Variants in YPEL5 observed in about 807,000 individuals in gnomAD.
YPEL5 encodes yippee like 5, also known as protein yippee-like 5.
YPEL5 carries 1 observed loss-of-function variant against 10.5 expected under a neutral mutation model. The ratio of observed to expected loss-of-function variants is 0.10; its 90% confidence interval spans 0.03 to 0.45. The LOEUF (loss-of-function observed/expected upper bound fraction) is 0.45, where lower values mean the gene tolerates loss of function less well. YPEL5 is among the 20% of genes least tolerant of loss of function. The pLI is 0.97. For synonymous variants in YPEL5, 61 were observed against 56.6 expected (o/e 1.08, Z -0.35); for missense variants, 68 against 159.3 (o/e 0.43, Z 3.09).
At chr2:30,153,160 C>T (rs935395683) in intron 1 of YPEL5, among the ~76,000 whole-genome samples, 3 of 152,176 alleles carry the variant, frequency 2.0e-5, no homozygotes, top group African/African-American at 7.2e-5. Context: ...CTTGGCCTCC[C>T]CAAAGGGCCG....
At chr2:30,152,435 A>G (rs902203273) in intron 1 of YPEL5, among the ~76,000 whole-genome samples, 3 of 152,240 alleles carry the variant, frequency 2.0e-5, no homozygotes. Flanking sequence ...AAAACTTCCA[A>G]AAGTGATTTA....
intron 1 of YPEL5, among the ~76,000 whole-genome samples, chr2:30,151,168 T>C (rs757343796): frequency 5.9e-5 from 9 of 152,184 alleles, no homozygotes; most frequent in Non-Finnish European, 1.3e-4. Flanking sequence ...CAATAGTCTT[T>C]TTAGAAAATT....
chr2:30,158,295 G>GATGAATT, intron 2 of YPEL5, among the ~76,000 whole-genome samples: 1 of 152,228 alleles, frequency 6.6e-6, no homozygotes, highest in East Asian at 1.9e-4. Context: ...ACTACAACTG[G>GATGAATT]ACCCAAACCT....
intron 2 of YPEL5, among the ~76,000 whole-genome samples, chr2:30,157,678 A>C (rs1003642233): frequency 6.6e-6 from 1 of 152,172 alleles, no homozygotes; most frequent in African/African-American, 2.4e-5. Context: ...TTGAATTTCC[A>C]AGTATTTTAG....
intron 1 of YPEL5, among the ~76,000 whole-genome samples, chr2:30,154,318 G>A (rs1052430236): frequency 2.4e-4 from 37 of 152,196 alleles, no homozygotes; most frequent in African/African-American, 8.7e-4. Flanking sequence ...TCACAGGTTT[G>A]TTGAGTGTTT....
chr2:30,152,986 C>T (rs1341310954), intron 1 of YPEL5, among the ~76,000 whole-genome samples: 1 of 151,786 alleles, frequency 6.6e-6, no homozygotes, highest in Admixed American at 6.6e-5. Context: ...CTGCAAGCTC[C>T]GCCTCCTGGG....
intron 1 of YPEL5, among the ~76,000 whole-genome samples, chr2:30,154,349 C>A (rs1008239037): frequency 2.6e-5 from 4 of 152,180 alleles, no homozygotes; most frequent in African/African-American, 9.7e-5. Context: ...AGGAGTCATA[C>A]ATTCAAATAT....
chr2:30,154,685 C>T (rs1675958061), intron 1 of YPEL5, among the ~76,000 whole-genome samples: 1 of 152,192 alleles, frequency 6.6e-6, no homozygotes, highest in African/African-American at 2.4e-5. Flanking sequence ...CAAATGAATT[C>T]AGCCTGTAGG....
Position 30,159,909 on chromosome 2 carries a change from A to G in YPEL5, c.*1066A>G, listed in dbSNP as rs1402856015. On this transcript the variant is annotated 3_prime_UTR_variant, in exon 3 of 3. Transcript: ENST00000261353. Reference sequence around the variant, plus strand: ...CTGTAGAGCCTAATAGTTTCCATCAAAGGCCTAGATCTCTTATTTAGCATT... The same window carrying G: ...CTGTAGAGCCTAATAGTTTCCATCAGAGGCCTAGATCTCTTATTTAGCATT... The G allele has an allele frequency of 6.6e-6, 1 of 152,616 alleles. No homozygotes were observed. Among genetic ancestry groups the G allele is most frequent in the African/African-American group, 2.4e-5 (1 of 41,436 alleles). 9.5% of individuals were successfully genotyped at this position (152,616 alleles called of 1,614,324 possible). A position where few individuals can be genotyped will look rare whatever the true frequency, so the allele number is the denominator to read the frequency against.
intron 2 of YPEL5, among the ~76,000 whole-genome samples, chr2:30,157,941 T>C (rs1302600061): frequency 6.6e-6 from 1 of 152,216 alleles, no homozygotes; most frequent in Non-Finnish European, 1.5e-5. Flanking sequence ...GTGCCAGAGT[T>C]AAAAAGTTGC....
intron 1 of YPEL5, among the ~76,000 whole-genome samples, chr2:30,152,264 C>T (rs1037288873): frequency 2.0e-5 from 3 of 152,094 alleles, no homozygotes; most frequent in East Asian, 3.9e-4. Flanking sequence ...TAGAAATGGG[C>T]GGCACATGCC....
chr2:30,148,009 G>C (rs1336077090), intron 1 of YPEL5: 1 of 152,164 alleles, frequency 6.6e-6, no homozygotes, highest in East Asian at 1.9e-4. Flanking sequence ...AGCTCCGCCA[G>C]CTTCGGGCTG....
chr2:30,147,984 C>G (rs1675572441), intron 1 of YPEL5: 1 of 152,066 alleles, frequency 6.6e-6, no homozygotes, highest in African/African-American at 2.4e-5. Flanking sequence ...ACCCGGGGGT[C>G]GCCCGGGCCG....
Position 30,158,849 on chromosome 2 carries a change from C to G in YPEL5, c.*6C>G, listed in dbSNP as rs2103523186. 1 of 1,612,998 alleles carries G rather than the reference C, an allele frequency of 6.2e-7. No homozygotes were observed. The highest frequency in any genetic ancestry group is 2.2e-5 in the East Asian group (1 of 44,856). ...TACCATCTGATAACTCTTGAAGATA[C>G]AGAGAGAAATCCATCTTTTCCCAGG... On this transcript the variant is annotated 3_prime_UTR_variant, in exon 3 of 3. Coordinates refer to ENST00000261353, the MANE Select transcript of YPEL5 (RefSeq NM_016061.3).
rs548473136 is a variant in YPEL5 at position 30,160,013 on chromosome 2, T to G, written c.*1170T>G. The G allele has an allele frequency of 1.3e-5, 2 of 152,742 alleles. No individual in the cohort carries two copies. The highest frequency in any genetic ancestry group is 3.9e-4 in the East Asian group (2 of 5,190). 9.5% of individuals were successfully genotyped at this position (152,742 alleles called of 1,614,324 possible). ...TACCCTCACATACAAAGGGATCAAA[T>G]TTGACCTGGTGTTATTTTAGCCCCA... On this transcript the variant is annotated 3_prime_UTR_variant, in exon 3 of 3. Coordinates refer to ENST00000261353, the MANE Select transcript of YPEL5 (RefSeq NM_016061.3).
chr2:30,158,577 C>T (rs1239365059), intron 2 of YPEL5, 42 bp from the exon 3 acceptor site: 3 of 1,589,608 alleles, frequency 1.9e-6, no homozygotes, highest in Admixed American at 3.3e-5. Context: ...TGGCAAATAA[C>T]TAACATGCCT....
intron 2 of YPEL5, 101 bp from the exon 3 acceptor site, chr2:30,158,518 T>C (rs1676143541): frequency 9.0e-7 from 1 of 1,110,802 alleles, no homozygotes; most frequent in South Asian, 1.4e-5. Flanking sequence ...AAGTTCTTTC[T>C]CCTTTTCTGA....
intron 1 of YPEL5, among the ~76,000 whole-genome samples, chr2:30,153,625 C>T (rs1675912156): frequency 1.3e-5 from 2 of 152,234 alleles, no homozygotes; most frequent in East Asian, 3.8e-4. Flanking sequence ...AAGGACCCTA[C>T]AGAGGTTTTT....
chr2:30,147,368 C>A (rs1313472592), intron 1 of YPEL5: 1 of 148,518 alleles, frequency 6.7e-6, no homozygotes, highest in African/African-American at 2.4e-5. Context: ...CAGCCGCAAC[C>A]CCTCCGCGCG....
Sources: allele counts gnomAD v4.1 joint callset (sites outside exome capture counted in the v4.1 genomes callset), GRCh38; gene constraint gnomAD v4.1.1; transcripts MANE v1.5; gene names NCBI Gene and HGNC (gene_info 2026-07-23, HGNC 2026-07-21).